SEPTIN6: variants seen among roughly 807,000 people sequenced by gnomAD.
SEPTIN6 encodes the protein septin-6.
Under a neutral mutation model 33.6 loss-of-function variants are expected in SEPTIN6, and 8 were observed. The ratio of observed to expected loss-of-function variants is 0.24; its 90% confidence interval spans 0.14 to 0.43. The LOEUF is 0.43. Among genes scored for constraint, SEPTIN6 ranks in the 20% least tolerant of loss-of-function variants. The probability of loss-of-function intolerance (pLI) is 1.00; values close to 1 mark genes in which losing one functional copy is unlikely to be tolerated. For synonymous variants in SEPTIN6, 131 were observed against 140.0 expected, an observed-to-expected ratio of 0.94 and a Z score of 0.45; for missense variants, 250 against 340.8, an observed-to-expected ratio of 0.73 and a Z score of 2.10.
chrX:119,662,471 A>G (rs2054565737), intron 3 of SEPTIN6, among the ~76,000 whole-genome samples: 1 of 111,576 alleles, frequency 9.0e-6, no homozygotes, highest in Non-Finnish European at 1.9e-5. Context: ...ACAACCCCAC[A>G]CCAAGTGCCT....
downstream of SEPTIN6, chrX:119,616,436 T>G: frequency 2.2e-6 from 1 of 446,195 alleles, no homozygotes; most frequent in South Asian, 2.6e-5. Context: ...AGTGGTCCTG[T>G]AGTTGTTTCT....
chrX:119,617,906 A>G lies in SEPTIN6; in HGVS notation c.*2187T>C. ...TGGGTCTAATACTTTTGAATTATTC[A>G]GAGCTTCTCAAGCCTTAACTAGTTA... On this transcript the variant is annotated 3_prime_UTR_variant, in exon 11 of 11. Transcript: ENST00000394610. 1.2e-6 allele frequency: 1 copy of G among 802,830 alleles called. No homozygotes were observed. The highest frequency in any genetic ancestry group is 1.5e-6 in the Non-Finnish European group (1 of 668,593). The allele number at this position is 802,830 out of a possible 1,213,427, so 66.2% of individuals were successfully genotyped here.
intron 8 of SEPTIN6, among the ~76,000 whole-genome samples, chrX:119,632,443 G>A (rs1411180391): frequency 1.9e-5 from 2 of 106,389 alleles, no homozygotes; most frequent in African/African-American, 3.4e-5. Flanking sequence ...TGATCCGCCC[G>A]CCTTGGCCTC....
chrX:119,616,150 C>A (rs942373681), downstream of SEPTIN6: 5 of 206,256 alleles, frequency 2.4e-5, no homozygotes, highest in African/African-American at 1.4e-4. Context: ...TAAGCTTAAA[C>A]CCCCTCCCTT....
intron 1 of SEPTIN6, among the ~76,000 whole-genome samples, chrX:119,682,327 A>C (rs755241930): frequency 8.9e-6 from 1 of 111,768 alleles, no homozygotes; most frequent in African/African-American, 3.2e-5. Flanking sequence ...AACATTTTTA[A>C]TATAAGAAAG....
At chrX:119,623,008 T>C (rs1444329947) in intron 10 of SEPTIN6, among the ~76,000 whole-genome samples, 1 of 112,079 alleles carries the variant, frequency 8.9e-6, no homozygotes, top group Non-Finnish European at 1.9e-5. Context: ...CCCGGTTTCA[T>C]GGGCCTTATG....
chrX:119,663,463 ACCCC>A lies in SEPTIN6; in HGVS notation c.341+15_341+18del. ...TCTACCAACCTCCCCACCCTACCCC[ACCCC>A]ACCGCCTTCTTTACCTGTCCTCTTT... On this transcript the variant is annotated intron_variant, in intron 3 of 10. Coordinates refer to ENST00000394610, the MANE Select transcript of SEPTIN6 (RefSeq NM_145799.4). The A allele has an allele frequency of 3.2e-6, 1 of 313,668 alleles. No individual in the cohort carries two copies. Among genetic ancestry groups the A allele is most frequent in the Non-Finnish European group, 5.3e-6 (1 of 189,478 alleles). 25.8% of individuals were successfully genotyped at this position (313,668 alleles called of 1,213,427 possible).
At chrX:119,625,215 A>T in intron 10 of SEPTIN6, 120 bp downstream of exon 10, 1 of 508,898 alleles carries the variant, frequency 2.0e-6, no homozygotes. Flanking sequence ...ACGAGAGAAA[A>T]CCAGCTAGAC....
chrX:119,688,378 A>G (rs909528729), intron 1 of SEPTIN6, among the ~76,000 whole-genome samples: 1 of 111,408 alleles, frequency 9.0e-6, no homozygotes, highest in Non-Finnish European at 1.9e-5. Context: ...GACCATGTGC[A>G]TTTGGGGGAC....
At chrX:119,657,352 G>C (rs937209500) in intron 3 of SEPTIN6, among the ~76,000 whole-genome samples, 1 of 110,826 alleles carries the variant, frequency 9.0e-6, no homozygotes, top group African/African-American at 3.3e-5. Context: ...TTGGTTCTCA[G>C]TCTTGTCAAT....
At chrX:119,657,615 C>T (rs1256301735) in intron 3 of SEPTIN6, among the ~76,000 whole-genome samples, 1 of 111,469 alleles carries the variant, frequency 9.0e-6, no homozygotes, top group African/African-American at 3.3e-5. Context: ...TGAGCTCAAG[C>T]GATTCTCCTG....
intron 2 of SEPTIN6, among the ~76,000 whole-genome samples, chrX:119,668,872 A>G (rs941212365): frequency 3.6e-5 from 4 of 110,973 alleles, no homozygotes; most frequent in Admixed American, 9.6e-5. Context: ...TGAGATTTTG[A>G]TGCACCCATC....
rs150190186 is a variant in SEPTIN6, at chrX:119,651,415, C to T, written c.529-1317G>A. ...AGGCCAGGGGCAGTGGCTCATGCTG[C>T]TAATCCAAGCACTTTGGGAGGCCAA... On this transcript the variant is annotated intron_variant, in intron 4 of 10. Coordinates refer to ENST00000394610, the MANE Select transcript of SEPTIN6 (RefSeq NM_145799.4). Among the ~76,000 whole-genome samples the T allele has an allele frequency of 6.9e-3, 777 of 112,092 alleles. 12 individuals are homozygous for T. Among genetic ancestry groups the T allele is most frequent in the African/African-American group, 0.024 (750 of 30,904 alleles).
In SEPTIN6 at chrX:119,619,425, G is replaced by A; in HGVS notation, c.*668C>T. On this transcript the variant is annotated 3_prime_UTR_variant, in exon 11 of 11. Coordinates refer to ENST00000394610, the MANE Select transcript of SEPTIN6 (RefSeq NM_145799.4). ...TTTCTTCAGCAGTTGTGTTTTATGGGAAGGGCTTGGTGTAAATAAATGCGT... is the reference window on the plus strand; with the variant it reads ...TTTCTTCAGCAGTTGTGTTTTATGGAAAGGGCTTGGTGTAAATAAATGCGT... 2.5e-6 allele frequency: 2 copies of A among 815,183 alleles called. No homozygotes were observed. Among genetic ancestry groups the A allele is most frequent in the Non-Finnish European group, 3.0e-6 (2 of 676,839 alleles). 67.2% of individuals were successfully genotyped at this position (815,183 alleles called of 1,213,427 possible).
At chrX:119,684,711 G>A (rs1207729662) in intron 1 of SEPTIN6, among the ~76,000 whole-genome samples, 2 of 110,245 alleles carry the variant, frequency 1.8e-5, no homozygotes, top group Admixed American at 1.9e-4. Context: ...GGCTGGTCTC[G>A]AACTCCTAAC....
intron 2 of SEPTIN6, among the ~76,000 whole-genome samples, chrX:119,665,349 C>T (rs1050699694): frequency 2.4e-4 from 27 of 111,676 alleles, no homozygotes; most frequent in Non-Finnish European, 2.6e-4. Context: ...GGTGATCCAC[C>T]TGCCTCGGCC....
intron 10 of SEPTIN6, among the ~76,000 whole-genome samples, chrX:119,625,134 T>TCAGG (rs780732648): frequency 2.1e-4 from 23 of 112,030 alleles, no homozygotes; most frequent in African/African-American, 6.5e-4. Flanking sequence ...CTCACTTTAA[T>TCAGG]CAGGCAGGCA....
intron 5 of SEPTIN6, among the ~76,000 whole-genome samples, chrX:119,647,332 C>A (rs375933518): frequency 8.3e-5 from 9 of 107,960 alleles, no homozygotes; most frequent in Admixed American, 3.0e-4. Flanking sequence ...CTCCTCTCCT[C>A]TCCTCCCCTC....
chrX:119,688,969 A>G (rs1453184483), intron 1 of SEPTIN6, among the ~76,000 whole-genome samples: 1 of 111,078 alleles, frequency 9.0e-6, no homozygotes, highest in Non-Finnish European at 1.9e-5. Flanking sequence ...AAAGGGAATC[A>G]AAGGGTAACT....
Sources: allele counts gnomAD v4.1 joint callset (sites outside exome capture counted in the v4.1 genomes callset), GRCh38; gene constraint gnomAD v4.1.1; transcripts MANE v1.5; gene names NCBI Gene and HGNC (gene_info 2026-07-23, HGNC 2026-07-21).